The following DACH2 variants were observed in gnomAD, a reference collection of about 807,000 sequenced individuals.
DACH2 encodes the protein dachshund homolog 2.
In DACH2, 17 loss-of-function variants were observed where a neutral mutation model predicts 35.8. The ratio of observed to expected loss-of-function variants is 0.48; its 90% confidence interval spans 0.33 to 0.71. DACH2 has a LOEUF of 0.71. DACH2 is among the 30% of genes least tolerant of loss of function. The pLI, the probability that DACH2 is intolerant of heterozygous loss-of-function variation, is 0.02. For missense variants in DACH2, 469 were observed against 472.7 expected, an observed-to-expected ratio of 0.99 and a Z score of 0.07; for synonymous variants, 195 against 177.3, an observed-to-expected ratio of 1.10 and a Z score of -0.79.
intron 2 of DACH2, among the ~76,000 whole-genome samples, chrX:86,501,720 A>G (rs766229181): frequency 9.0e-6 from 1 of 111,456 alleles, no homozygotes; most frequent in East Asian, 2.8e-4. Context: ...TAGAAAACTA[A>G]AGGAAAACAT....
chrX:86,356,126 T>C (rs897819535), intron 1 of DACH2, among the ~76,000 whole-genome samples: 3 of 111,914 alleles, frequency 2.7e-5, no homozygotes, highest in African/African-American at 9.7e-5. Flanking sequence ...TCTAAAATAG[T>C]ATTTCCTAGG....
chrX:86,253,241 G>A (rs897712827), intron 1 of DACH2, among the ~76,000 whole-genome samples: 1 of 110,941 alleles, frequency 9.0e-6, no homozygotes, highest in African/African-American at 3.3e-5. Context: ...CCCTCTACAA[G>A]GAAAACTACA....
At chrX:86,740,717 C>G (rs948212499) in intron 7 of DACH2, among the ~76,000 whole-genome samples, 13 of 109,434 alleles carry the variant, frequency 1.2e-4, no homozygotes, top group Non-Finnish European at 2.5e-4. Context: ...TTGTGTATGC[C>G]ACTTAACCAC....
intron 6 of DACH2, among the ~76,000 whole-genome samples, chrX:86,715,275 A>G (rs893550425): frequency 9.0e-6 from 1 of 111,701 alleles, no homozygotes; most frequent in East Asian, 2.8e-4. Context: ...AGTAAAATAT[A>G]TGTAAAAACC....
intron 2 of DACH2, among the ~76,000 whole-genome samples, chrX:86,405,815 G>GGTTTAATT (rs929999084): frequency 8.9e-6 from 1 of 111,840 alleles, no homozygotes; most frequent in African/African-American, 3.3e-5. Flanking sequence ...AAAGTAAGGA[G>GGTTTAATT]GTTTAATTGA....
intron 3 of DACH2, among the ~76,000 whole-genome samples, chrX:86,606,113 G>A (rs1338089507): frequency 9.0e-6 from 1 of 110,724 alleles, no homozygotes; most frequent in Non-Finnish European, 1.9e-5. Flanking sequence ...ATGTTTTATT[G>A]AATGGTAATC....
chrX:86,150,886 C>G (rs182370933), intron 1 of DACH2, among the ~76,000 whole-genome samples: 4 of 111,165 alleles, frequency 3.6e-5, no homozygotes, highest in African/African-American at 1.3e-4. Context: ...TATTAACTCT[C>G]TCTCTTTATC....
intron 1 of DACH2, among the ~76,000 whole-genome samples, chrX:86,346,532 C>T: frequency 9.0e-6 from 1 of 111,122 alleles, no homozygotes. Flanking sequence ...CCATTTTCAT[C>T]TTAAGATAAA....
intron 3 of DACH2, among the ~76,000 whole-genome samples, chrX:86,621,162 A>G (rs1263220364): frequency 9.0e-6 from 1 of 111,658 alleles, no homozygotes; most frequent in African/African-American, 3.3e-5. Context: ...ACATTGAGTA[A>G]AGTCTTTTGA....
At chrX:86,753,174 A>G (rs2041792650) in intron 7 of DACH2, among the ~76,000 whole-genome samples, 1 of 110,902 alleles carries the variant, frequency 9.0e-6, no homozygotes, top group African/African-American at 3.3e-5. Flanking sequence ...CCAGTCTGTT[A>G]TATGTGTTAT....
At chrX:86,650,279 C>A (rs889303910) in intron 3 of DACH2, among the ~76,000 whole-genome samples, 1 of 110,964 alleles carries the variant, frequency 9.0e-6, no homozygotes, top group Non-Finnish European at 1.9e-5. Flanking sequence ...CAGACGCTGG[C>A]TATATAGGTA....
chrX:86,637,243 A>AAAAAAAAAAAAT (rs2040282070), intron 3 of DACH2, among the ~76,000 whole-genome samples: 1 of 86,268 alleles, frequency 1.2e-5, no homozygotes, highest in Non-Finnish European at 2.2e-5. Context: ...AAAAAAAAAA[A>AAAAAAAAAAAAT]AAACAGATGC....
chrX:86,241,127 A>T (rs890589858), intron 1 of DACH2, among the ~76,000 whole-genome samples: 2 of 112,230 alleles, frequency 1.8e-5, no homozygotes, highest in Non-Finnish European at 1.9e-5. Flanking sequence ...GAACTGGGTA[A>T]TGGGCAGAGG....
chrX:86,296,782 C>G (rs1011265712), intron 1 of DACH2, among the ~76,000 whole-genome samples: 4 of 110,523 alleles, frequency 3.6e-5, no homozygotes, highest in African/African-American at 1.3e-4. Flanking sequence ...TTTTACTAGG[C>G]TTATTCATTT....
chrX:86,299,217 A>C (rs1195609831), intron 1 of DACH2, among the ~76,000 whole-genome samples: 1 of 112,100 alleles, frequency 8.9e-6, no homozygotes, highest in African/African-American at 3.2e-5. Flanking sequence ...TTTTTGAAGG[A>C]GAATACGTAA....
intron 2 of DACH2, among the ~76,000 whole-genome samples, chrX:86,481,347 C>A (rs927186052): frequency 8.9e-6 from 1 of 111,802 alleles, no homozygotes; most frequent in African/African-American, 3.3e-5. Flanking sequence ...AAATAGTGAG[C>A]AGTCAAAATG....
chrX:86,748,420 G>A (rs976678887), intron 7 of DACH2, among the ~76,000 whole-genome samples: 3 of 111,988 alleles, frequency 2.7e-5, no homozygotes, highest in African/African-American at 9.7e-5. Context: ...GTATTACATA[G>A]CTGCAGAATG....
At chrX:86,579,793 A>G (rs890301811) in intron 3 of DACH2, among the ~76,000 whole-genome samples, 2 of 112,477 alleles carry the variant, frequency 1.8e-5, no homozygotes, top group African/African-American at 3.2e-5. Flanking sequence ...CAATTTTTAC[A>G]TATCATTTGT....
At chrX:86,426,537 T>G (rs763995717) in intron 2 of DACH2, among the ~76,000 whole-genome samples, 2 of 111,876 alleles carry the variant, frequency 1.8e-5, no homozygotes, top group South Asian at 7.3e-4. Flanking sequence ...CCTAAACAAT[T>G]TTGCTAAACT....
Sources: allele counts gnomAD v4.1 joint callset (sites outside exome capture counted in the v4.1 genomes callset), GRCh38; gene constraint gnomAD v4.1.1; transcripts MANE v1.5; gene names NCBI Gene and HGNC (gene_info 2026-07-23, HGNC 2026-07-21).